SVIL: variants seen among roughly 807,000 people sequenced by gnomAD.
SVIL encodes supervillin.
In SVIL, 101 loss-of-function variants were observed where a neutral mutation model predicts 240.4. The observed-to-expected ratio is 0.42, with a 90% CI of 0.36 to 0.50. The LOEUF is 0.50. Ranked by LOEUF, SVIL falls within the 20% of genes least tolerant of loss-of-function variation. SVIL has a pLI of 0.01. For synonymous variants in SVIL, 999 were observed against 1,100.0 expected (o/e 0.91, Z 1.82); for missense variants, 2,512 against 2,818.7 (o/e 0.89, Z 2.46).
At chr10:29,636,867 A>C (rs1173094867), upstream of SVIL, among the ~76,000 whole-genome samples, 1 of 152,074 alleles carries the variant, frequency 6.6e-6, no homozygotes. Context: ...AGAGGTGTGC[A>C]ATCATGGCTC....
intron 1 of SVIL, among the ~76,000 whole-genome samples, chr10:29,708,257 CAAAAAA>C (rs35982600): frequency 3.2e-5 from 2 of 62,708 alleles, no homozygotes; most frequent in Non-Finnish European, 5.9e-5. Flanking sequence ...GACTCCATCT[CAAAAAA>C]AAAAAAAAAA....
chr10:29,558,946 T>A (rs201299093), intron 3 of SVIL, among the ~76,000 whole-genome samples: 2 of 141,822 alleles, frequency 1.4e-5, no homozygotes, highest in Non-Finnish European at 3.1e-5. Context: ...TATATATATA[T>A]AAAAAATATG....
intron 1 of SVIL, among the ~76,000 whole-genome samples, chr10:29,589,088 G>A (rs566335009): frequency 1.4e-4 from 22 of 152,132 alleles, no homozygotes; most frequent in African/African-American, 4.3e-4. Context: ...TGACTTTTCG[G>A]TTCACAGGAG....
intron 3 of SVIL, among the ~76,000 whole-genome samples, chr10:29,657,524 C>T (rs145087412): frequency 2.0e-5 from 3 of 152,224 alleles, no homozygotes; most frequent in Non-Finnish European, 2.9e-5. Flanking sequence ...AGAACTCCTG[C>T]TCCAGAGAGG....
chr10:29,705,480 T>C (rs565250871), intron 1 of SVIL, among the ~76,000 whole-genome samples: 15 of 151,938 alleles, frequency 9.9e-5, no homozygotes, highest in Admixed American at 9.8e-4. Flanking sequence ...CCACTTCAAA[T>C]CTTTTTTTTT....
intron 28 of SVIL, among the ~76,000 whole-genome samples, chr10:29,481,095 T>C (rs1946780058): frequency 6.6e-6 from 1 of 151,708 alleles, no homozygotes; most frequent in Non-Finnish European, 1.5e-5. Flanking sequence ...TGTCTGCTGT[T>C]CTACTAGTGA....
intron 36 of SVIL, among the ~76,000 whole-genome samples, chr10:29,460,270 A>G (rs1261278132): frequency 6.6e-6 from 1 of 152,172 alleles, no homozygotes; most frequent in African/African-American, 2.4e-5. Flanking sequence ...TGAGAAAATC[A>G]GTGTAAAGTG....
intron 24 of SVIL, 71 bp downstream of exon 24, chr10:29,487,092 G>A (rs1277546400): frequency 9.7e-6 from 15 of 1,552,952 alleles, no homozygotes; most frequent in African/African-American, 1.4e-5. Flanking sequence ...TGTGACTGAC[G>A]TCAGGAAGAA....
At chr10:29,722,416 C>G (rs1007417694) in intron 1 of SVIL, among the ~76,000 whole-genome samples, 3 of 152,074 alleles carry the variant, frequency 2.0e-5, no homozygotes, top group Non-Finnish European at 2.9e-5. Flanking sequence ...TTTGGCTTAA[C>G]ATTGACCCAA....
chr10:29,583,691 C>T (rs751726853), intron 1 of SVIL, among the ~76,000 whole-genome samples: 3 of 152,098 alleles, frequency 2.0e-5, no homozygotes, highest in Non-Finnish European at 2.9e-5. Flanking sequence ...TAGGGGAGGG[C>T]GTGTTTGTGA....
At chr10:29,623,143 TC>T (rs1275618053) in intron 1 of SVIL, among the ~76,000 whole-genome samples, 1 of 152,204 alleles carries the variant, frequency 6.6e-6, no homozygotes, top group African/African-American at 2.4e-5. Flanking sequence ...TTTAGATTTT[TC>T]CTCTGCTATC....
intron 1 of SVIL, among the ~76,000 whole-genome samples, chr10:29,725,356 C>T (rs1327909081): frequency 1.3e-5 from 2 of 152,096 alleles, no homozygotes; most frequent in African/African-American, 2.4e-5. Context: ...ATCTGTCCAG[C>T]CAGTATTCTT....
rs561767323 is a variant in SVIL, at chr10:29,462,681, A to C, written c.6278-280T>G. On this transcript the variant is annotated intron_variant, in intron 35 of 37. Coordinates refer to ENST00000355867, the MANE Select transcript of SVIL (RefSeq NM_021738.3). ...GAAGGGAGAGAGAGGCTCTGTCTGC[A>C]GCTTCTGGGTGGAGCATTTTCTTCC... 1.2e-4 allele frequency among the ~76,000 whole-genome samples: 18 copies of C among 152,250 alleles called. No individual in the cohort carries two copies. In the East Asian group the frequency reaches 2.7e-3, roughly 23 times the overall value.
upstream of SVIL, among the ~76,000 whole-genome samples, chr10:29,638,441 G>A (rs978615693): frequency 6.6e-6 from 1 of 151,740 alleles, no homozygotes; most frequent in African/African-American, 2.4e-5. Flanking sequence ...ACTCCAGCCT[G>A]GGTGACAAGG....
chr10:29,555,852 G>C (rs1953877915), intron 3 of SVIL, among the ~76,000 whole-genome samples: 1 of 152,210 alleles, frequency 6.6e-6, no homozygotes. Flanking sequence ...CCTCCACCCT[G>C]TCACGGAATT....
Position 29,493,511 on chromosome 10 carries a change from GT to G in SVIL, c.3842-121del. 4 of 1,096,832 alleles carry G rather than the reference GT, an allele frequency of 3.6e-6. No homozygotes were observed. The East Asian group carries it at 1.0e-4, about 28-fold the overall frequency. The allele number at this position is 1,096,832 out of a possible 1,614,324, so 67.9% of individuals were successfully genotyped here. The stretch of plus-strand genomic sequence containing the variant: ...TTCCAGGAGTGGAAGAAACACGGTT[GT>G]GATATACAGGGTCCTGTGGTTGCTT... On this transcript the variant is annotated intron_variant, in intron 20 of 37. Coordinates refer to ENST00000355867, the MANE Select transcript of SVIL (RefSeq NM_021738.3).
intron 1 of SVIL, among the ~76,000 whole-genome samples, chr10:29,630,111 A>G (rs1247445): frequency 0.91 from 138,154 of 151,974 alleles, 62,947 homozygotes; most frequent in East Asian, 1. Flanking sequence ...GCTCCATTAC[A>G]TCCCTGTCCG....
chr10:29,724,831 G>C (rs1434907562), intron 1 of SVIL, among the ~76,000 whole-genome samples: 1 of 151,964 alleles, frequency 6.6e-6, no homozygotes, highest in East Asian at 1.9e-4. Context: ...AGACCAGCCT[G>C]GTCAACATGG....
chr10:29,724,540 AT>A (rs1964177904), intron 1 of SVIL, among the ~76,000 whole-genome samples: 1 of 152,242 alleles, frequency 6.6e-6, no homozygotes, highest in East Asian at 1.9e-4. Context: ...TTTTTAAAAA[AT>A]AATTGGATAA....
Sources: allele counts gnomAD v4.1 joint callset (sites outside exome capture counted in the v4.1 genomes callset), GRCh38; gene constraint gnomAD v4.1.1; transcripts MANE v1.5; gene names NCBI Gene and HGNC (gene_info 2026-07-23, HGNC 2026-07-21).